The following LEPROTL1 variants were observed in gnomAD, a reference collection of about 807,000 sequenced individuals.
The protein encoded by LEPROTL1 is leptin receptor overlapping transcript-like 1.
A neutral mutation model predicts 15.4 loss-of-function variants in LEPROTL1; 6 were observed. That is an observed-to-expected ratio of 0.39 (90% CI 0.21 to 0.77). LEPROTL1 has a LOEUF of 0.77. Ranked by LOEUF, LEPROTL1 falls within the 30% of genes least tolerant of loss-of-function variation. The pLI, the probability that LEPROTL1 is intolerant of heterozygous loss-of-function variation, is 0.41. For missense variants in LEPROTL1, 128 were observed against 158.1 expected, an observed-to-expected ratio of 0.81 and a Z score of 1.02; for synonymous variants, 56 against 52.6, an observed-to-expected ratio of 1.06 and a Z score of -0.28.
intron 3 of LEPROTL1, chr8:30,105,145 C>T (rs1431417525): frequency 6.6e-6 from 1 of 152,310 alleles, no homozygotes; most frequent in Non-Finnish European, 1.5e-5. Context: ...CAGAAAAGCA[C>T]TGAAGAGGGG....
At chr8:30,100,851 G>C (rs946106333) in intron 1 of LEPROTL1, among the ~76,000 whole-genome samples, 1 of 150,704 alleles carries the variant, frequency 6.6e-6, no homozygotes, top group Non-Finnish European at 1.5e-5. Context: ...ATGTACTGCT[G>C]TGTGTGTGTG....
intron 3 of LEPROTL1, among the ~76,000 whole-genome samples, chr8:30,119,269 G>A (rs986930629): frequency 6.6e-6 from 1 of 152,210 alleles, no homozygotes; most frequent in South Asian, 2.1e-4. Context: ...CAAAGTTACA[G>A]ATTAACAGCA....
chr8:30,132,792 G>T (rs1284152010), intron 4 of LEPROTL1: 2 of 1,551,752 alleles, frequency 1.3e-6, no homozygotes, highest in East Asian at 2.4e-5. Context: ...CAGACAAAGA[G>T]CTCCTGCTCC....
intron 1 of LEPROTL1, among the ~76,000 whole-genome samples, chr8:30,098,360 T>C (rs1175436491): frequency 6.6e-6 from 1 of 152,246 alleles, no homozygotes; most frequent in Non-Finnish European, 1.5e-5. Flanking sequence ...TGTGTTTTAC[T>C]CTGAATTCCC....
At chr8:30,101,834 T>A (rs1802472250) in intron 1 of LEPROTL1, 64 bp from the exon 2 acceptor site, 2 of 974,578 alleles carry the variant, frequency 2.1e-6, no homozygotes, top group African/African-American at 1.6e-5. Flanking sequence ...ATGTTCAGAC[T>A]GCTGATATTA....
At chr8:30,102,645 C>G (rs1802487840) in intron 2 of LEPROTL1, among the ~76,000 whole-genome samples, 1 of 146,852 alleles carries the variant, frequency 6.8e-6, no homozygotes, top group South Asian at 2.1e-4. Flanking sequence ...GAGCAAGACT[C>G]TGTTTCCAAA....
intron 3 of LEPROTL1, among the ~76,000 whole-genome samples, chr8:30,130,755 TTTTTTTTTCAAATTTTCAAAAAAAAA>T (rs1802991196): frequency 6.7e-6 from 1 of 148,154 alleles, no homozygotes; most frequent in Non-Finnish European, 1.5e-5. Context: ...TTTAGGACAA[TTTTTTTTTCAAATTTTCAAAAAAAAA>T]TTTTTTTTTT....
At chr8:30,120,872 T>C (rs1802818626) in intron 3 of LEPROTL1, among the ~76,000 whole-genome samples, 1 of 152,184 alleles carries the variant, frequency 6.6e-6, no homozygotes, top group Non-Finnish European at 1.5e-5. Flanking sequence ...TGAAATACCA[T>C]CTTAAATTAT....
chr8:30,116,327 T>C (rs1802740142), intron 3 of LEPROTL1, among the ~76,000 whole-genome samples: 1 of 152,140 alleles, frequency 6.6e-6, no homozygotes, highest in African/African-American at 2.4e-5. Context: ...TCCCCAATCT[T>C]GTTGGCATCA....
chr8:30,117,653 C>G, intron 3 of LEPROTL1: 1 of 1,486,252 alleles, frequency 6.7e-7, no homozygotes, highest in Non-Finnish European at 9.3e-7. Context: ...CATGCTTCAT[C>G]ATCACAGTGA....
chr8:30,134,786 G>A (rs918265097), intron 4 of LEPROTL1, among the ~76,000 whole-genome samples: 1 of 152,180 alleles, frequency 6.6e-6, no homozygotes, highest in Non-Finnish European at 1.5e-5. Flanking sequence ...CATCTCAGGA[G>A]ATCTGCCCGC....
At chr8:30,133,574 T>C (rs1303569441) in intron 4 of LEPROTL1, among the ~76,000 whole-genome samples, 1 of 152,094 alleles carries the variant, frequency 6.6e-6, no homozygotes, top group Non-Finnish European at 1.5e-5. Context: ...AATTTTACTT[T>C]AACAGCTGAA....
intron 1 of LEPROTL1, among the ~76,000 whole-genome samples, chr8:30,099,113 C>G (rs1208029310): frequency 1.3e-5 from 2 of 152,186 alleles, no homozygotes; most frequent in Admixed American, 1.3e-4. Flanking sequence ...GACATTTATT[C>G]ACTTGCTTAT....
intron 4 of LEPROTL1, among the ~76,000 whole-genome samples, chr8:30,136,401 T>A (rs1803141066): frequency 6.6e-6 from 1 of 152,184 alleles, no homozygotes; most frequent in Non-Finnish European, 1.5e-5. Context: ...CCAGCCCTGC[T>A]GACGTCATCA....
chr8:30,132,839 A>T (rs1180869790), intron 4 of LEPROTL1: 1 of 1,551,574 alleles, frequency 6.4e-7, no homozygotes, highest in African/African-American at 1.4e-5. Flanking sequence ...TTCCCCTCAC[A>T]AATGTCCAGA....
At chr8:30,103,016 A>G (rs530266549) in intron 2 of LEPROTL1, among the ~76,000 whole-genome samples, 2 of 152,262 alleles carry the variant, frequency 1.3e-5, no homozygotes, top group African/African-American at 2.4e-5. Context: ...TTACAAAGAT[A>G]TATTTAGTGG....
chr8:30,125,851 T>C (rs1190145976), intron 3 of LEPROTL1, among the ~76,000 whole-genome samples: 1 of 152,132 alleles, frequency 6.6e-6, no homozygotes, highest in African/African-American at 2.4e-5. Flanking sequence ...AATGCTAAAG[T>C]AGTCACGGCC....
chr8:30,106,051 T>C lies in LEPROTL1; in HGVS notation c.*189T>C. ...ACTTGCTGAAGGATTAAAAGGATTT[T>C]CTCTTTTGGAAAAGCTTGACTGATT... On this transcript the variant is annotated 3_prime_UTR_variant, in exon 4 of 4. Transcript: ENST00000321250. 1 of 1,138,162 alleles carries C rather than the reference T, an allele frequency of 8.8e-7. No individual in the cohort carries two copies. 70.5% of individuals were successfully genotyped at this position (1,138,162 alleles called of 1,614,324 possible).
At chr8:30,127,701 C>T (rs1426450683) in intron 3 of LEPROTL1, among the ~76,000 whole-genome samples, 4 of 149,214 alleles carry the variant, frequency 2.7e-5, no homozygotes, top group African/African-American at 4.9e-5. Context: ...CACACACACA[C>T]ACACGTATAT....
Sources: allele counts gnomAD v4.1 joint callset (sites outside exome capture counted in the v4.1 genomes callset), GRCh38; gene constraint gnomAD v4.1.1; transcripts MANE v1.5; gene names NCBI Gene and HGNC (gene_info 2026-07-23, HGNC 2026-07-21).